Variants in PPIL3 observed in about 807,000 individuals in gnomAD.
The protein encoded by PPIL3 is peptidyl-prolyl cis-trans isomerase-like 3.
Under a neutral mutation model 20.9 loss-of-function variants are expected in PPIL3, and 13 were observed. The observed-to-expected ratio is 0.62, with a 90% CI of 0.40 to 0.99. The LOEUF (loss-of-function observed/expected upper bound fraction) is 0.99. Ranked by LOEUF, PPIL3 falls within the 50% of genes least tolerant of loss-of-function variation. The pLI is 0.00. For synonymous variants in PPIL3, 71 were observed against 64.4 expected (o/e 1.10, Z -0.49); for missense variants, 170 against 195.2 (o/e 0.87, Z 0.77).
chr2:200,887,265 A>C (rs549451339), intron 2 of PPIL3, among the ~76,000 whole-genome samples: 2 of 151,810 alleles, frequency 1.3e-5, no homozygotes, highest in African/African-American at 4.8e-5. Context: ...AGGCGCGTGT[A>C]ATCTCAGCTA....
At chr2:200,883,646 T>C (rs1195783950) in intron 3 of PPIL3, among the ~76,000 whole-genome samples, 1 of 152,142 alleles carries the variant, frequency 6.6e-6, no homozygotes, top group East Asian at 1.9e-4. Flanking sequence ...AATTACTTAA[T>C]TTTCCTGCCC....
rs555380286 is a variant in PPIL3 at position 200,887,827 on chromosome 2, C to T, written c.-70-142G>A. The T allele has an allele frequency of 1.4e-5, 5 of 368,766 alleles. No homozygotes were observed. The South Asian group carries it at 2.8e-4, about 21-fold the overall frequency. The allele number at this position is 368,766 out of a possible 1,614,324, so 22.8% of individuals were successfully genotyped here. A position where few individuals can be genotyped will look rare whatever the true frequency, so the allele number is the denominator to read the frequency against. ...ATCCTAACACTTTGGGAGGCCGAGG[C>T]GGGTGGATCACTTGAGGTCAGGAGT... On this transcript the variant is annotated intron_variant, in intron 1 of 6. Transcript: ENST00000392283.
intron 6 of PPIL3, among the ~76,000 whole-genome samples, chr2:200,872,802 T>C (rs908206985): frequency 6.6e-6 from 1 of 152,174 alleles, no homozygotes; most frequent in East Asian, 1.9e-4. Flanking sequence ...GGAGAAAGTA[T>C]GTAGATGACA....
chr2:200,872,938 T>C (rs2039368311), intron 6 of PPIL3, among the ~76,000 whole-genome samples: 1 of 151,178 alleles, frequency 6.6e-6, no homozygotes, highest in Non-Finnish European at 1.5e-5. Context: ...AATGGTGTGA[T>C]CTCGGCTCAC....
chr2:200,880,425 A>ATTTTTTTTTTTT, intron 5 of PPIL3, among the ~76,000 whole-genome samples: 2 of 74,224 alleles, frequency 2.7e-5, no homozygotes, highest in African/African-American at 1.3e-4. Flanking sequence ...TTTTTTTTTG[A>ATTTTTTTTTTTT]GTGGGGTCTC....
At chr2:200,876,134 G>GTTTTT (rs886677890) in intron 6 of PPIL3, among the ~76,000 whole-genome samples, 1 of 144,766 alleles carries the variant, frequency 6.9e-6, no homozygotes, top group African/African-American at 2.6e-5. Flanking sequence ...AAAAAAAAGT[G>GTTTTT]TTTTTTTTGT....
upstream of PPIL3, chr2:200,889,230 T>G (rs571518940): frequency 1.1e-4 from 37 of 351,570 alleles, no homozygotes; most frequent in African/African-American, 7.1e-4. Context: ...ACAAGAAGTG[T>G]AAGGCGAAAC....
chr2:200,882,526 C>T, intron 3 of PPIL3, 91 bp from the exon 4 acceptor site: 1 of 803,586 alleles, frequency 1.2e-6, no homozygotes, highest in South Asian at 1.4e-5. Flanking sequence ...GTGATAGCAG[C>T]ATATTTAAAC....
At chr2:200,874,651 G>A (rs141176688) in intron 6 of PPIL3, among the ~76,000 whole-genome samples, 1 of 152,152 alleles carries the variant, frequency 6.6e-6, no homozygotes, top group Non-Finnish European at 1.5e-5. Context: ...GAATGATGTT[G>A]GTTAAGGGAG....
chr2:200,887,706 G>A, intron 1 of PPIL3, 21 bp from the exon 2 acceptor site: 2 of 1,072,558 alleles, frequency 1.9e-6, no homozygotes, highest in South Asian at 1.5e-5. Context: ...AAGAAAAAAA[G>A]AATTAGGCTC....
At chr2:200,881,330 A>C in intron 5 of PPIL3, 91 bp downstream of exon 5, 1 of 927,128 alleles carries the variant, frequency 1.1e-6, no homozygotes, top group Admixed American at 2.6e-5. Flanking sequence ...TTTTGCAATG[A>C]TGTTAACTTG....
intron 6 of PPIL3, among the ~76,000 whole-genome samples, chr2:200,875,146 A>T (rs186401690): frequency 4.8e-4 from 73 of 152,244 alleles, no homozygotes; most frequent in African/African-American, 1.8e-3. Flanking sequence ...ATACCTTCCT[A>T]GGAGCCATTC....
At chr2:200,881,542 G>T in intron 4 of PPIL3, 54 bp from the exon 5 acceptor site, 2 of 1,468,480 alleles carry the variant, frequency 1.4e-6, no homozygotes, top group Non-Finnish European at 9.5e-7. Flanking sequence ...TTGAAAACAA[G>T]TTCATTTCCC....
At chr2:200,879,860 T>A (rs1001252818) in intron 5 of PPIL3, among the ~76,000 whole-genome samples, 2 of 152,164 alleles carry the variant, frequency 1.3e-5, no homozygotes, top group Non-Finnish European at 2.9e-5. Context: ...CACAGGTGAT[T>A]CTGTCATAGC....
At chr2:200,881,636 T>G (rs2039730294) in intron 4 of PPIL3, 148 bp from the exon 5 acceptor site, 2 of 618,564 alleles carry the variant, frequency 3.2e-6, no homozygotes, top group African/African-American at 1.9e-5. Flanking sequence ...CAAATTTAAC[T>G]TCACAGACCT....
chr2:200,881,430 T>C lies in PPIL3; in HGVS notation c.231A>G (p.Glu77=). 3 of 1,611,992 alleles carry C rather than the reference T, an allele frequency of 1.9e-6. No homozygotes were observed. Among genetic ancestry groups the C allele is most frequent in the Non-Finnish European group, 2.5e-6 (3 of 1,178,906 alleles). ...WGKKFEDEYS[E]YLKHNVRGVV... ...AGCATTGAGGATTTACCTTAAGATA[T>C]TCACTGTATTCATCCTCAAACTTCT... The change falls in exon 5 of 7, where the codon GAA becomes GAG. Residue 77 remains glutamate, a synonymous_variant. Coordinates refer to ENST00000392283, the MANE Select transcript of PPIL3 (RefSeq NM_130906.3).
intron 5 of PPIL3, 77 bp downstream of exon 5, chr2:200,881,344 C>A: frequency 9.3e-7 from 1 of 1,077,588 alleles, no homozygotes; most frequent in Non-Finnish European, 1.4e-6. Flanking sequence ...TAACTTGTAT[C>A]ACTATGACAC....
chr2:200,888,477 T>C (rs2040055877), intron 1 of PPIL3: 1 of 159,668 alleles, frequency 6.3e-6, no homozygotes, highest in Admixed American at 6.1e-5. Context: ...ATGAACTTTT[T>C]TTTTTCCACC....
At chr2:200,873,597 A>C (rs2039394279) in intron 6 of PPIL3, among the ~76,000 whole-genome samples, 1 of 152,096 alleles carries the variant, frequency 6.6e-6, no homozygotes, top group Non-Finnish European at 1.5e-5. Flanking sequence ...ACTTCATGTT[A>C]CCACCAAGAA....
Sources: allele counts gnomAD v4.1 joint callset (sites outside exome capture counted in the v4.1 genomes callset), GRCh38; gene constraint gnomAD v4.1.1; transcripts MANE v1.5; gene names NCBI Gene and HGNC (gene_info 2026-07-23, HGNC 2026-07-21).